The following LRRFIP1 variants were observed in gnomAD, a reference collection of about 807,000 sequenced individuals.
The protein encoded by LRRFIP1 is LRR binding FLII interacting protein 1.
LRRFIP1 carries 62 observed loss-of-function variants against 104.4 expected under a neutral mutation model. That is an observed-to-expected ratio of 0.59 (90% CI 0.48 to 0.73). The LOEUF (loss-of-function observed/expected upper bound fraction) is 0.73. Ranked by LOEUF, LRRFIP1 falls within the 30% of genes least tolerant of loss-of-function variation. The pLI is 0.00. For synonymous variants in LRRFIP1, 300 were observed against 299.0 expected (o/e 1.00, Z -0.03); for missense variants, 796 against 824.5 (o/e 0.97, Z 0.42).
At chr2:237,729,394 C>T (rs2094906760) in intron 8 of LRRFIP1, among the ~76,000 whole-genome samples, 1 of 152,142 alleles carries the variant, frequency 6.6e-6, no homozygotes, top group South Asian at 2.1e-4. Context: ...GCGGGCTGGG[C>T]TGAAGAAAGA....
chr2:237,734,432 C>T (rs2095164860), intron 9 of LRRFIP1, among the ~76,000 whole-genome samples: 1 of 151,988 alleles, frequency 6.6e-6, no homozygotes, highest in African/African-American at 2.4e-5. Context: ...AGGCACGTGT[C>T]ACCACACCCA....
At chr2:237,765,186 C>G (rs537350174) in intron 19 of LRRFIP1, 1 of 168,526 alleles carries the variant, frequency 5.9e-6, no homozygotes, top group South Asian at 1.9e-4. Flanking sequence ...TCGCTTGAAC[C>G]TGCGAGGCAG....
At chr2:237,705,155 A>G (rs2093740911) in intron 1 of LRRFIP1, among the ~76,000 whole-genome samples, 1 of 152,160 alleles carries the variant, frequency 6.6e-6, no homozygotes, top group African/African-American at 2.4e-5. Flanking sequence ...CTAAGCTGGA[A>G]TAGGGTGGGG....
intron 14 of LRRFIP1, among the ~76,000 whole-genome samples, chr2:237,752,193 G>A (rs1350764913): frequency 1.3e-5 from 2 of 152,178 alleles, no homozygotes; most frequent in Non-Finnish European, 2.9e-5. Flanking sequence ...ATCACCGGAG[G>A]TCAGGAGTTT....
chr2:237,684,839 C>A (rs995433799), intron 1 of LRRFIP1, among the ~76,000 whole-genome samples: 6 of 151,678 alleles, frequency 4.0e-5, no homozygotes, highest in Non-Finnish European at 8.8e-5. Flanking sequence ...GTAATTCCAA[C>A]ACTTTGGGAG....
intron 1 of LRRFIP1, among the ~76,000 whole-genome samples, chr2:237,650,584 G>C (rs1238938815): frequency 1.3e-5 from 2 of 152,244 alleles, no homozygotes; most frequent in African/African-American, 4.8e-5. Flanking sequence ...ATCACAGCCT[G>C]GGCGGGGCTG....
intron 1 of LRRFIP1, among the ~76,000 whole-genome samples, chr2:237,643,819 G>C (rs909000990): frequency 2.7e-4 from 41 of 152,212 alleles, no homozygotes; most frequent in African/African-American, 9.6e-4. Context: ...TTTCAAACTA[G>C]AACAAGATTT....
intron 19 of LRRFIP1, among the ~76,000 whole-genome samples, chr2:237,761,017 G>A (rs2059800638): frequency 6.6e-6 from 1 of 152,184 alleles, no homozygotes; most frequent in Non-Finnish European, 1.5e-5. Context: ...TCTGTCACTG[G>A]TCACCCTCTG....
At chr2:237,685,103 T>TC (rs2092245119) in intron 1 of LRRFIP1, among the ~76,000 whole-genome samples, 3 of 53,332 alleles carry the variant, frequency 5.6e-5, no homozygotes, top group Admixed American at 2.0e-4. Context: ...CTTGTCTCCC[T>TC]ACCCTCCCCC....
chr2:237,736,029 A>C (rs1445155204), intron 10 of LRRFIP1, among the ~76,000 whole-genome samples: 1 of 152,216 alleles, frequency 6.6e-6, no homozygotes, highest in Non-Finnish European at 1.5e-5. Context: ...CAAGCCCTCC[A>C]GGAAATAGAA....
In LRRFIP1 at chr2:237,734,870, A is replaced by G. The variant is rs116157401; in HGVS notation, c.490-398A>G. ...TATAATTAACATAATTTGATATTTTATCCCAAAGTCACTTCACATAAGAGT... is the reference window on the plus strand; with the variant it reads ...TATAATTAACATAATTTGATATTTTGTCCCAAAGTCACTTCACATAAGAGT... On this transcript the variant is annotated intron_variant, in intron 9 of 23. Transcript: ENST00000308482. Among the ~76,000 whole-genome samples, 1,099 of 152,350 alleles carry G rather than the reference A, an allele frequency of 7.2e-3. 11 individuals carry two copies. Among genetic ancestry groups the G allele is most frequent in the African/African-American group, 0.025 (1,041 of 41,584 alleles).
At chr2:237,668,255 C>T (rs1311065913) in intron 1 of LRRFIP1, among the ~76,000 whole-genome samples, 1 of 152,114 alleles carries the variant, frequency 6.6e-6, no homozygotes, top group African/African-American at 2.4e-5. Flanking sequence ...CCCCACCACA[C>T]CTGCATCTTC....
At chr2:237,728,333 T>G (rs1248069939) in intron 8 of LRRFIP1, among the ~76,000 whole-genome samples, 2 of 152,234 alleles carry the variant, frequency 1.3e-5, no homozygotes, top group Admixed American at 6.5e-5. Flanking sequence ...CATTTGTAAT[T>G]TTAATGTTTA....
intron 2 of LRRFIP1, among the ~76,000 whole-genome samples, chr2:237,710,008 A>AT (rs1241158670): frequency 1.3e-5 from 2 of 151,824 alleles, no homozygotes; most frequent in African/African-American, 4.8e-5. Flanking sequence ...GCGCACCACC[A>AT]TGCCTGGCTA....
intron 5 of LRRFIP1, among the ~76,000 whole-genome samples, 172 bp from the exon 6 acceptor site, chr2:237,720,600 C>T (rs990422335): frequency 3.3e-5 from 5 of 152,152 alleles, no homozygotes; most frequent in Non-Finnish European, 5.9e-5. Flanking sequence ...ATCCACAAAG[C>T]CCATGCTGTG....
intron 1 of LRRFIP1, among the ~76,000 whole-genome samples, chr2:237,657,491 A>C (rs192785029): frequency 7.4e-4 from 112 of 152,176 alleles, no homozygotes; most frequent in African/African-American, 2.4e-3. Context: ...GACAGGCAAA[A>C]AACAACAACA....
At chr2:237,749,359 A>G (rs766316511) in intron 13 of LRRFIP1, 35 bp downstream of exon 13, 2 of 1,607,304 alleles carry the variant, frequency 1.2e-6, no homozygotes, top group Non-Finnish European at 1.7e-6. Context: ...AACTTGAGAG[A>G]ACCTTTTGTA....
intron 22 of LRRFIP1, among the ~76,000 whole-genome samples, chr2:237,773,244 ATT>A (rs1432279814): frequency 6.6e-6 from 1 of 152,242 alleles, no homozygotes; most frequent in Non-Finnish European, 1.5e-5. Flanking sequence ...TTTAAAATTA[ATT>A]TAGTTAATTG....
chr2:237,690,919 C>T (rs897439525), intron 1 of LRRFIP1, among the ~76,000 whole-genome samples: 6 of 151,926 alleles, frequency 3.9e-5, no homozygotes, highest in African/African-American at 1.5e-4. Context: ...AACGTTTCTT[C>T]CCCAGCGGTT....
Sources: gnomAD v4.1 joint callset for allele counts (sites outside exome capture counted in the v4.1 genomes callset) on GRCh38, gnomAD v4.1.1 for gene constraint, MANE v1.5 for transcripts, NCBI Gene and HGNC (gene_info 2026-07-23, HGNC 2026-07-21) for gene names.